Variants in SPAG9 observed in about 807,000 individuals in gnomAD.
SPAG9 encodes sperm associated antigen 9, also known as C-Jun-amino-terminal kinase-interacting protein 4.
SPAG9 carries 35 observed loss-of-function variants against 166.5 expected under a neutral mutation model. The observed-to-expected ratio is 0.21, with a 90% confidence interval of 0.16 to 0.28. SPAG9 has a LOEUF of 0.28. Ranked by LOEUF, SPAG9 falls within the 10% of genes least tolerant of loss-of-function variation. The pLI is 1.00. For missense variants in SPAG9, 1,235 were observed against 1,603.3 expected (o/e 0.77, Z 3.92); for synonymous variants, 534 against 565.5 (o/e 0.94, Z 0.79).
chr17:51,077,053 GCTAGCTATCTAGCTAGCTAT>G lies in SPAG9; in HGVS notation c.424+2511_424+2530del, dbSNP rs1189570770. Among the ~76,000 whole-genome samples, 54 of 113,244 alleles carry G rather than the reference GCTAGCTATCTAGCTAGCTAT, an allele frequency of 4.8e-4. 1 individual carries two copies. Among genetic ancestry groups the G allele is most frequent in the South Asian group, 1.3e-3 (5 of 3,790 alleles). 74.3% of individuals were successfully genotyped at this position (113,244 alleles called of 152,430 possible). Reference sequence around the variant, plus strand: ...ATCTATCTAGCTATCTAGCTATCTAGCTAGCTATCTAGCTAGCTATCTAGCTATCTAGCTAGCTATCTATC... The same window carrying G: ...ATCTATCTAGCTATCTAGCTATCTAGCTAGCTATCTAGCTAGCTATCTATC... On this transcript the variant is annotated intron_variant, in intron 2 of 29. Transcript: ENST00000262013.
At chr17:51,062,355 T>C (rs537881589) in intron 2 of SPAG9, among the ~76,000 whole-genome samples, 2 of 152,294 alleles carry the variant, frequency 1.3e-5, no homozygotes, top group Admixed American at 1.3e-4. Context: ...GACAAAAATA[T>C]GACATGTGAC....
At chr17:50,976,619 A>G (rs1974226428) in intron 27 of SPAG9, 1 of 153,408 alleles carries the variant, frequency 6.5e-6, no homozygotes, top group South Asian at 2.0e-4. Flanking sequence ...CACACGAGGT[A>G]TATTTTATTC....
intron 6 of SPAG9, among the ~76,000 whole-genome samples, chr17:51,025,551 C>T (rs541372460): frequency 6.6e-6 from 1 of 151,656 alleles, no homozygotes; most frequent in East Asian, 1.9e-4. Flanking sequence ...TCCCTCTGAG[C>T]ACCATTTGCA....
chr17:50,983,688 T>A (rs769687228), intron 24 of SPAG9, among the ~76,000 whole-genome samples: 1 of 152,234 alleles, frequency 6.6e-6, no homozygotes, highest in East Asian at 1.9e-4. Flanking sequence ...TACCAAAACA[T>A]GCATTGTTTC....
intron 8 of SPAG9, chr17:51,016,136 ATAG>A (rs2045688979): frequency 6.6e-6 from 1 of 152,158 alleles, no homozygotes; most frequent in Admixed American, 6.5e-5. Context: ...CCCAACCCAT[ATAG>A]TTCTTTATCT....
In SPAG9 at chr17:50,995,644, T is replaced by G; in HGVS notation, c.1969-111A>C. On this transcript the variant is annotated intron_variant, in intron 16 of 29. Coordinates refer to ENST00000262013, the MANE Select transcript of SPAG9 (RefSeq NM_001130528.3). ...GCAAGCACTGCTGTTATTTACTCCT[T>G]GAAATCAAGTTCAGGTTTTTTGTTT... 4.2e-6 allele frequency: 3 copies of G among 710,254 alleles called. No individual in the cohort carries two copies. In the South Asian group the frequency reaches 5.1e-5, roughly 12 times the overall value. The allele number at this position is 710,254 out of a possible 1,614,324, so 44.0% of individuals were successfully genotyped here.
At chr17:50,978,474 A>T (rs1017773556) in intron 26 of SPAG9, among the ~76,000 whole-genome samples, 6 of 152,236 alleles carry the variant, frequency 3.9e-5, no homozygotes, top group Non-Finnish European at 7.3e-5. Flanking sequence ...TCATTATAAC[A>T]CTAGGTCAGG....
At chr17:51,018,955 C>T (rs1264871897) in intron 8 of SPAG9, among the ~76,000 whole-genome samples, 2 of 152,122 alleles carry the variant, frequency 1.3e-5, no homozygotes, top group African/African-American at 4.8e-5. Context: ...TTGAATGTGT[C>T]CCCTATAAAA....
In SPAG9 at chr17:50,996,495, T is replaced by C. The variant is rs2044686170; in HGVS notation, c.1968+70A>G. ...GGGCTGGGATGCGTACAGTGAATCC[T>C]TCATGCCCACGCACACTCAACTTGC... On this transcript the variant is annotated intron_variant, in intron 16 of 29. Coordinates refer to ENST00000262013, the MANE Select transcript of SPAG9 (RefSeq NM_001130528.3). 1.1e-5 allele frequency: 18 copies of C among 1,573,180 alleles called. No individual in the cohort carries two copies. The South Asian group carries it at 1.9e-4, about 17-fold the overall frequency.
chr17:50,998,827 T>C (rs1394312431), intron 14 of SPAG9, among the ~76,000 whole-genome samples: 1 of 152,258 alleles, frequency 6.6e-6, no homozygotes, highest in African/African-American at 2.4e-5. Context: ...AACTATTGCT[T>C]AGAATGGCGG....
chr17:50,979,804 T>C lies in SPAG9; in HGVS notation c.3351A>G (p.Ala1117=), dbSNP rs1260520513. The C allele has an allele frequency of 1.2e-6, 2 of 1,614,218 alleles. No individual in the cohort carries two copies. Among genetic ancestry groups the C allele is most frequent in the Non-Finnish European group, 1.7e-6 (2 of 1,180,016 alleles). The change falls in exon 26 of 30, where the codon GCA becomes GCG. Residue 1117 remains alanine (A), a synonymous_variant. Transcript: ENST00000262013. ...RLDSTLRLYH[A]HTYQHLQDVD... The stretch of plus-strand genomic sequence containing the variant: ...CATCCTGTAGATGTTGATAAGTGTG[T>C]GCATGATAGAGACGGAGCGTAGAAT...
chr17:50,986,259 G>A (rs1975041292), intron 22 of SPAG9, among the ~76,000 whole-genome samples: 4 of 152,148 alleles, frequency 2.6e-5, no homozygotes, highest in South Asian at 2.1e-4. Context: ...GGTATTTTAC[G>A]ACAGGGGAGA....
intron 4 of SPAG9, among the ~76,000 whole-genome samples, chr17:51,043,010 C>T (rs931794652): frequency 3.3e-5 from 5 of 152,168 alleles, no homozygotes; most frequent in Non-Finnish European, 7.4e-5. Flanking sequence ...CCTGCCTCAG[C>T]CTCCCAAGTA....
Position 50,984,998 on chromosome 17 carries a change from C to T in SPAG9, c.3021-8G>A, listed in dbSNP as rs1219549776. 2.5e-6 allele frequency: 4 copies of T among 1,613,714 alleles called. No homozygotes were observed. Among genetic ancestry groups the T allele is most frequent in the Non-Finnish European group, 1.7e-6 (2 of 1,179,754 alleles). ...ACGATTCCCTTCACGTGTCTGCAAACAGGAAAGGGGAGTTCAGAACTCTCC... is the reference window on the plus strand; with the variant it reads ...ACGATTCCCTTCACGTGTCTGCAAATAGGAAAGGGGAGTTCAGAACTCTCC... On this transcript the variant is annotated splice_region_variant and splice_polypyrimidine_tract_variant and intron_variant, in intron 23 of 29. Coordinates refer to ENST00000262013, the MANE Select transcript of SPAG9 (RefSeq NM_001130528.3).
intron 16 of SPAG9, chr17:50,996,267 T>A (rs909297087): frequency 3.9e-6 from 1 of 258,620 alleles, no homozygotes; most frequent in Non-Finnish European, 7.3e-6. Flanking sequence ...AAAAATGAAA[T>A]CTTCAAATAT....
intron 1 of SPAG9, among the ~76,000 whole-genome samples, chr17:51,079,971 C>T (rs73988513): frequency 0.049 from 7,520 of 152,056 alleles, 550 homozygotes; most frequent in African/African-American, 0.16. Flanking sequence ...ATATATAAAC[C>T]CTTTTGTATA....
At position 51,105,211 on chromosome 17, in the gene SPAG9, G is replaced by A. The variant is rs149693339; in HGVS notation, c.303+15143C>T. Reference sequence around the variant, plus strand: ...GAACCCCTGGGAATAGAAATTCTTAGAAAGAAAGCCCAGGAGCACAACATT... The same window carrying A: ...GAACCCCTGGGAATAGAAATTCTTAAAAAGAAAGCCCAGGAGCACAACATT... On this transcript the variant is annotated intron_variant, in intron 1 of 29. Coordinates refer to ENST00000262013, the MANE Select transcript of SPAG9 (RefSeq NM_001130528.3). Among the ~76,000 whole-genome samples, 535 of 152,260 alleles carry A rather than the reference G, an allele frequency of 3.5e-3. 4 individuals are homozygous for A. Among genetic ancestry groups the A allele is most frequent in the South Asian group, 0.012 (58 of 4,830 alleles).
chr17:50,972,118 A>G (rs1285348085), intron 28 of SPAG9, among the ~76,000 whole-genome samples: 2 of 152,018 alleles, frequency 1.3e-5, no homozygotes, highest in Non-Finnish European at 2.9e-5. Flanking sequence ...CTGGTCTCAA[A>G]CTCCTGGGCT....
rs1023276744 is a variant in SPAG9, at chr17:51,061,780, TCTC to T, written c.425-5301_425-5299del. ...CTTAAAGTTCTAGTAATCATTTTGT[TCTC>T]CTTAAGCATTTTGAATTATTTCTAT... On this transcript the variant is annotated intron_variant, in intron 2 of 29. Transcript: ENST00000262013. Among the ~76,000 whole-genome samples, 8 of 152,108 alleles carry T rather than the reference TCTC, an allele frequency of 5.3e-5. No homozygotes were observed. In the South Asian group the frequency reaches 6.2e-4, roughly 12 times the overall value.
Sources: gnomAD v4.1 joint callset for allele counts (sites outside exome capture counted in the v4.1 genomes callset) on GRCh38, gnomAD v4.1.1 for gene constraint, MANE v1.5 for transcripts, NCBI Gene and HGNC (gene_info 2026-07-23, HGNC 2026-07-21) for gene names.